The following SRD5A3 variants were observed in gnomAD, a reference collection of about 807,000 sequenced individuals.
SRD5A3 encodes the protein steroid 5 alpha-reductase 3.
In SRD5A3, 24 loss-of-function variants were observed where a neutral mutation model predicts 34.3. That is an observed-to-expected ratio of 0.70 (90% CI 0.51 to 0.99). The LOEUF (loss-of-function observed/expected upper bound fraction) is 0.99. Among genes scored for constraint, SRD5A3 ranks in the 50% least tolerant of loss-of-function variants. The pLI, the probability that SRD5A3 is intolerant of heterozygous loss-of-function variation, is 0.00. For synonymous variants in SRD5A3, 161 were observed against 167.3 expected (o/e 0.96, Z 0.29); for missense variants, 350 against 388.2 (o/e 0.90, Z 0.83).
intron 2 of SRD5A3, among the ~76,000 whole-genome samples, chr4:55,359,994 CAAGG>C (rs1719615824): frequency 6.6e-6 from 1 of 152,100 alleles, no homozygotes; most frequent in Non-Finnish European, 1.5e-5. Context: ...GGGCAGATCA[CAAGG>C]TCAGGAGATC....
chr4:55,368,481 G>A (rs1719992400), intron 4 of SRD5A3, among the ~76,000 whole-genome samples: 1 of 149,230 alleles, frequency 6.7e-6, no homozygotes, highest in Non-Finnish European at 1.5e-5. Flanking sequence ...CTGTAGTGCA[G>A]TGGCACAATC....
intron 1 of SRD5A3, among the ~76,000 whole-genome samples, chr4:55,356,990 C>G (rs1247372492): frequency 6.6e-6 from 1 of 152,134 alleles, no homozygotes; most frequent in Non-Finnish European, 1.5e-5. Context: ...CCTTGAACAC[C>G]CCTAGTATAC....
intron 1 of SRD5A3, chr4:55,351,928 C>A: frequency 1.4e-6 from 1 of 706,298 alleles, no homozygotes; most frequent in South Asian, 1.4e-5. Context: ...AGGTCCTGGT[C>A]AACTGTGGCC....
intron 1 of SRD5A3, among the ~76,000 whole-genome samples, chr4:55,352,599 G>A (rs1410359877): frequency 1.3e-5 from 2 of 152,164 alleles, no homozygotes; most frequent in East Asian, 1.9e-4. Context: ...TAAGGACCTC[G>A]GTCAGTGTGT....
intron 4 of SRD5A3, among the ~76,000 whole-genome samples, chr4:55,368,150 G>C (rs28609134): frequency 0.28 from 42,587 of 151,866 alleles, 6,228 homozygotes; most frequent in South Asian, 0.4. Context: ...GCCAAGGTAG[G>C]AGGATCACTT....
At chr4:55,358,992 T>C in intron 1 of SRD5A3, 1 of 331,724 alleles carries the variant, frequency 3.0e-6, no homozygotes, top group Non-Finnish European at 5.8e-6. Context: ...TTTAGCACAG[T>C]CTAGGTTCTC....
At chr4:55,353,579 C>A (rs564575020) in intron 1 of SRD5A3, among the ~76,000 whole-genome samples, 1 of 152,204 alleles carries the variant, frequency 6.6e-6, no homozygotes, top group Non-Finnish European at 1.5e-5. Context: ...TTGCTCTTCA[C>A]GGTAAGTCTT....
At position 55,370,069 on chromosome 4, in the gene SRD5A3, C is replaced by G; in HGVS notation, c.935C>G (p.Ala312Gly). Reference protein sequence around the residue: ...KFVSYPKHRKAFLPFLF With the variant: ...KFVSYPKHRKGFLPFLF Reference sequence around the variant, plus strand: ...GTCTCTTACCCGAAGCATAGGAAAGCTTTCCTACCATTTTTGTTTTAAGTT... The same window carrying G: ...GTCTCTTACCCGAAGCATAGGAAAGGTTTCCTACCATTTTTGTTTTAAGTT... The change falls in exon 5 of 5, where the codon GCT becomes GGT. Residue 312 changes from alanine (A) to glycine (G), a missense_variant. Physicochemically the swap from Ala to Gly is moderately conservative, Grantham distance 60. This residue lies in a region of SRD5A3 where 186 missense variants were observed against 221.4 expected (regional missense o/e 0.84). Transcript: ENST00000264228. The G allele has an allele frequency of 3.7e-6, 6 of 1,613,784 alleles. No individual in the cohort carries two copies. The highest frequency in any genetic ancestry group is 5.1e-6 in the Non-Finnish European group (6 of 1,180,024).
intron 1 of SRD5A3, among the ~76,000 whole-genome samples, chr4:55,347,420 G>A (rs1344003422): frequency 6.6e-6 from 1 of 152,138 alleles, no homozygotes; most frequent in South Asian, 2.1e-4. Flanking sequence ...CTTGAGTTCA[G>A]GAGTTCGAGA....
chr4:55,366,436 C>T (rs1046098539), intron 3 of SRD5A3, among the ~76,000 whole-genome samples: 12 of 152,172 alleles, frequency 7.9e-5, no homozygotes, highest in African/African-American at 2.4e-4. Flanking sequence ...CCTTGGCCCC[C>T]GCAAAGTGCT....
intron 1 of SRD5A3, among the ~76,000 whole-genome samples, chr4:55,349,386 G>C (rs915718923): frequency 2.0e-5 from 3 of 152,138 alleles, no homozygotes; most frequent in Non-Finnish European, 4.4e-5. Flanking sequence ...GCTACAGTTA[G>C]AAATAGGCAG....
rs371782968 is a variant in SRD5A3, at chr4:55,348,200, C to T, written c.221+1643C>T. ...AAATAATTTACACCTTTTTCTTCTT[C>T]CAGAATTCTACAGTAGAACCTCCCA... On this transcript the variant is annotated intron_variant, in intron 1 of 4. Transcript: ENST00000264228. Among the ~76,000 whole-genome samples the T allele has an allele frequency of 6.4e-4, 98 of 152,246 alleles. 2 individuals carry two copies. The South Asian group carries it at 0.019, about 30-fold the overall frequency.
intron 1 of SRD5A3, among the ~76,000 whole-genome samples, chr4:55,351,084 T>C (rs1719173569): frequency 6.6e-6 from 1 of 151,008 alleles, no homozygotes; most frequent in Non-Finnish European, 1.5e-5. Context: ...TTTTTTTTTT[T>C]TTCTTGAGAC....
intron 1 of SRD5A3, among the ~76,000 whole-genome samples, chr4:55,356,000 ATT>A (rs10648522): frequency 2.0e-3 from 152 of 74,290 alleles, no homozygotes; most frequent in African/African-American, 5.9e-3. Flanking sequence ...TTTTGCCTCC[ATT>A]TTTTTTTTTT....
chr4:55,355,201 G>A (rs1178666944), intron 1 of SRD5A3, among the ~76,000 whole-genome samples: 1 of 152,218 alleles, frequency 6.6e-6, no homozygotes, highest in Admixed American at 6.5e-5. Flanking sequence ...GCTCACGCCT[G>A]TAATCCCAGC....
Position 55,369,297 on chromosome 4 carries a change from T to C in SRD5A3, c.698-535T>C, listed in dbSNP as rs151139027. On this transcript the variant is annotated intron_variant, in intron 4 of 4. Transcript: ENST00000264228. ...AGCTCTTAATTACTAGCTTGGAGGA[T>C]TGCTGGAGTAACTGGCTTTTCTCTT... Among the ~76,000 whole-genome samples, 11 of 152,332 alleles carry C rather than the reference T, an allele frequency of 7.2e-5. No homozygotes were observed. In the East Asian group the frequency reaches 1.2e-3, roughly 16 times the overall value.
chr4:55,356,299 G>A (rs1719458974), intron 1 of SRD5A3, among the ~76,000 whole-genome samples: 1 of 152,104 alleles, frequency 6.6e-6, no homozygotes, highest in South Asian at 2.1e-4. Flanking sequence ...CTGAGCCACT[G>A]CACCCGGCCT....
At chr4:55,352,407 A>G (rs1719230518) in intron 1 of SRD5A3, 6 of 765,878 alleles carry the variant, frequency 7.8e-6, no homozygotes, top group Admixed American at 5.2e-5. Context: ...TTGCTTCCCC[A>G]TGGTCACACC....
At chr4:55,360,014 C>G (rs1310060844) in intron 2 of SRD5A3, among the ~76,000 whole-genome samples, 1 of 149,852 alleles carries the variant, frequency 6.7e-6, no homozygotes. Flanking sequence ...AGATCGAGAC[C>G]ATCCTGGCTA....
Sources: allele counts gnomAD v4.1 joint callset (sites outside exome capture counted in the v4.1 genomes callset), GRCh38; gene constraint gnomAD v4.1.1; regional missense constraint gnomAD v4.1.1; transcripts MANE v1.5; gene names NCBI Gene and HGNC (gene_info 2026-07-23, HGNC 2026-07-21).